Variants in FBLN7 observed in about 807,000 individuals in gnomAD.
FBLN7 encodes fibulin-7.
In FBLN7, 31 loss-of-function variants were observed where a neutral mutation model predicts 44.0. That is an observed-to-expected ratio of 0.70 (90% confidence interval 0.53 to 0.95). The LOEUF (loss-of-function observed/expected upper bound fraction) is 0.95, where lower values mean the gene tolerates loss of function less well. Ranked by LOEUF, FBLN7 falls within the 40% of genes least tolerant of loss-of-function variation. The pLI is 0.00. For synonymous variants in FBLN7, 262 were observed against 253.4 expected (o/e 1.03, Z -0.32); for missense variants, 573 against 618.5 (o/e 0.93, Z 0.78).
At chr2:112,196,374 C>CTTTTTTTTTT in the FBLN7 span, among the ~76,000 whole-genome samples, 10 of 63,254 alleles carry the variant, frequency 1.6e-4, no homozygotes, top group Non-Finnish European at 2.5e-4. Context: ...TCTTCTTCTT[C>CTTTTTTTTTT]TTTTTTTTTT....
the FBLN7 span, among the ~76,000 whole-genome samples, chr2:112,207,730 G>C: frequency 1.3e-5 from 2 of 152,184 alleles, no homozygotes; most frequent in Non-Finnish European, 2.9e-5. Context: ...GGATTGTAAT[G>C]TCATAACAAG....
intron 1 of FBLN7, among the ~76,000 whole-genome samples, chr2:112,143,450 C>G (rs1237625089): frequency 6.6e-6 from 1 of 152,192 alleles, no homozygotes; most frequent in Non-Finnish European, 1.5e-5. Context: ...TGTCACAGGT[C>G]TCCAAATTCC....
the FBLN7 span, among the ~76,000 whole-genome samples, chr2:112,219,270 A>G: frequency 6.6e-6 from 1 of 152,210 alleles, no homozygotes; most frequent in Non-Finnish European, 1.5e-5. Context: ...TGGAGAGGGT[A>G]GAAATAAACC....
chr2:112,140,599 GAGGAAGA>G (rs1385979206), intron 1 of FBLN7, among the ~76,000 whole-genome samples: 1 of 152,224 alleles, frequency 6.6e-6, no homozygotes, highest in Non-Finnish European at 1.5e-5. Flanking sequence ...GCACCGCCGG[GAGGAAGA>G]AGATTTCTCA....
chr2:112,183,371 T>C (rs747444936), intron 6 of FBLN7, among the ~76,000 whole-genome samples: 1 of 152,160 alleles, frequency 6.6e-6, no homozygotes, highest in Non-Finnish European at 1.5e-5. Context: ...TATGTCTTAG[T>C]GAGGTCGGGC....
the FBLN7 span, among the ~76,000 whole-genome samples, chr2:112,219,543 T>C: frequency 6.6e-6 from 1 of 152,222 alleles, no homozygotes; most frequent in Non-Finnish European, 1.5e-5. Context: ...CCAGAAGTCA[T>C]TCAGGACCAG....
chr2:112,222,689 A>T, the FBLN7 span, among the ~76,000 whole-genome samples: 1 of 152,250 alleles, frequency 6.6e-6, no homozygotes, highest in African/African-American at 2.4e-5. Context: ...ATACTGTATG[A>T]TTTCACTTAT....
At chr2:112,225,840 G>A in the FBLN7 span, among the ~76,000 whole-genome samples, 5 of 151,272 alleles carry the variant, frequency 3.3e-5, no homozygotes, top group African/African-American at 7.3e-5. Context: ...CCAGCACTTC[G>A]GGAGGCCAAG....
chr2:112,151,784 CTG>C lies in FBLN7; in HGVS notation c.76-7891_76-7890del, dbSNP rs1477974137. 1.1e-4 allele frequency: 16 copies of C among 152,288 alleles called. No individual in the cohort carries two copies. The East Asian group carries it at 2.3e-3, about 22-fold the overall frequency. 9.4% of individuals were successfully genotyped at this position (152,288 alleles called of 1,614,324 possible). ...TGTACCTAGGAGGGGATTGCAGCTG[CTG>C]GATGCCATGTGTGTGGACCCCAAGC... On this transcript the variant is annotated intron_variant, in intron 1 of 7. Coordinates refer to ENST00000331203, the MANE Select transcript of FBLN7 (RefSeq NM_153214.3).
At chr2:112,236,642 T>C in the FBLN7 span, 1 of 1,614,032 alleles carries the variant, frequency 6.2e-7, no homozygotes, top group Non-Finnish European at 8.5e-7. Flanking sequence ...TTCATTTTCT[T>C]CTGTTTGCCA....
chr2:112,160,780 ACG>A (rs1433307964), intron 2 of FBLN7, among the ~76,000 whole-genome samples: 3 of 142,218 alleles, frequency 2.1e-5, no homozygotes, highest in Non-Finnish European at 4.6e-5. Flanking sequence ...GCAGACGCAC[ACG>A]CACGCACACG....
At chr2:112,172,334 TA>T (rs959239998) in intron 3 of FBLN7, among the ~76,000 whole-genome samples, 84 of 152,304 alleles carry the variant, frequency 5.5e-4, no homozygotes, top group African/African-American at 1.9e-3. Context: ...TCTGTTTAGT[TA>T]GAGCAATTTC....
chr2:112,235,419 G>T, the FBLN7 span, among the ~76,000 whole-genome samples: 1 of 152,158 alleles, frequency 6.6e-6, no homozygotes, highest in Non-Finnish European at 1.5e-5. Flanking sequence ...ATTGACAGGG[G>T]GTTGAGAAAC....
the FBLN7 span, among the ~76,000 whole-genome samples, chr2:112,229,108 T>C: frequency 6.6e-6 from 1 of 152,138 alleles, no homozygotes; most frequent in Non-Finnish European, 1.5e-5. Flanking sequence ...GGAGAAGAAC[T>C]GACATCCCAG....
chr2:112,226,383 T>A, the FBLN7 span, among the ~76,000 whole-genome samples: 1 of 151,628 alleles, frequency 6.6e-6, no homozygotes, highest in Non-Finnish European at 1.5e-5. Context: ...GGTCAGGAGA[T>A]CAAGACCATC....
chr2:112,181,212 GA>G (rs1682976343), intron 4 of FBLN7, among the ~76,000 whole-genome samples: 1 of 152,110 alleles, frequency 6.6e-6, no homozygotes, highest in Non-Finnish European at 1.5e-5. Flanking sequence ...GAGAGGAGCA[GA>G]AAAGGTAACT....
chr2:112,167,628 G>A (rs569346760), intron 3 of FBLN7, among the ~76,000 whole-genome samples: 9 of 152,190 alleles, frequency 5.9e-5, no homozygotes, highest in East Asian at 1.9e-4. Flanking sequence ...CGATCCAGTC[G>A]GAACTTTTAT....
At chr2:112,183,897 C>T (rs1034119747) in intron 6 of FBLN7, among the ~76,000 whole-genome samples, 5 of 152,146 alleles carry the variant, frequency 3.3e-5, no homozygotes, top group African/African-American at 4.8e-5. Context: ...TGAGAACCCT[C>T]GCAACAGTCA....
the FBLN7 span, among the ~76,000 whole-genome samples, chr2:112,232,428 C>A: frequency 6.6e-6 from 1 of 151,502 alleles, no homozygotes. Context: ...TTTAGAAGGA[C>A]TACATACGTA....
Sources: allele counts gnomAD v4.1 joint callset (sites outside exome capture counted in the v4.1 genomes callset), GRCh38; gene constraint gnomAD v4.1.1; transcripts MANE v1.5; gene names NCBI Gene and HGNC (gene_info 2026-07-23, HGNC 2026-07-21).